Variants in PLEKHA7 observed in about 807,000 individuals in gnomAD.
PLEKHA7 encodes pleckstrin homology domain containing A7.
Under a neutral mutation model 170.0 loss-of-function variants are expected in PLEKHA7, and 104 were observed. The observed-to-expected ratio is 0.61, with a 90% CI of 0.52 to 0.72. The LOEUF is 0.72. Among genes scored for constraint, PLEKHA7 ranks in the 30% least tolerant of loss-of-function variants. PLEKHA7 has a pLI of 0.00. For synonymous variants in PLEKHA7, 648 were observed against 660.8 expected (o/e 0.98, Z 0.30); for missense variants, 1,615 against 1,671.7 (o/e 0.97, Z 0.59).
At chr11:16,908,075 T>C (rs920538432) in intron 3 of PLEKHA7, among the ~76,000 whole-genome samples, 7 of 151,654 alleles carry the variant, frequency 4.6e-5, no homozygotes, top group Admixed American at 4.6e-4. Context: ...GCATGCTCGT[T>C]AAGAGTCATC....
chr11:16,925,374 C>A (rs183782529), intron 3 of PLEKHA7, among the ~76,000 whole-genome samples: 14 of 152,328 alleles, frequency 9.2e-5, no homozygotes, highest in Admixed American at 9.1e-4. Flanking sequence ...CGGCCAGCTA[C>A]GGCTCCCTCG....
chr11:16,895,006 A>C (rs1299294960), intron 3 of PLEKHA7, among the ~76,000 whole-genome samples: 2 of 152,190 alleles, frequency 1.3e-5, no homozygotes, highest in African/African-American at 4.8e-5. Flanking sequence ...AGGGATTTAT[A>C]TAAGTTTACA....
rs531100505 is a variant in PLEKHA7, at chr11:16,778,733, G to T, written c.*265C>A. On this transcript the variant is annotated 3_prime_UTR_variant, in exon 27 of 27. Transcript: ENST00000531066. Reference sequence around the variant, plus strand: ...CCCTTGAGGGGAACATTAGAAAATAGATTCCGATTCTAAAATACAGTGTAT... The same window carrying T: ...CCCTTGAGGGGAACATTAGAAAATATATTCCGATTCTAAAATACAGTGTAT... The T allele has an allele frequency of 3.7e-6, 2 of 536,368 alleles. No homozygotes were observed. The highest frequency in any genetic ancestry group is 5.0e-4 in the Middle Eastern group (1 of 2,010). The allele number at this position is 536,368 out of a possible 1,614,324, so 33.2% of individuals were successfully genotyped here.
Position 16,790,112 on chromosome 11 carries a change from C to A in PLEKHA7, c.3053-234G>T, listed in dbSNP as rs1203714060. 5 of 536,776 alleles carry A rather than the reference C, an allele frequency of 9.3e-6. No homozygotes were observed. The East Asian group carries it at 1.6e-4, about 17-fold the overall frequency. 33.3% of individuals were successfully genotyped at this position (536,776 alleles called of 1,614,324 possible). On this transcript the variant is annotated intron_variant, in intron 21 of 26. Coordinates refer to ENST00000531066, the MANE Select transcript of PLEKHA7 (RefSeq NM_001329630.2). ...GGCAGTGTCCCTGCAGATCTGTGGA[C>A]CACCCCAGGCTTCCCTTACATGCAG...
chr11:16,848,315 TGTGCAACAGA>T (rs1852632851), intron 8 of PLEKHA7, among the ~76,000 whole-genome samples: 2 of 152,172 alleles, frequency 1.3e-5, no homozygotes, highest in Admixed American at 1.3e-4. Flanking sequence ...ACAATCAGAG[TGTGCAACAGA>T]AGTTTTCAAA....
At chr11:16,889,421 AT>A (rs373612212) in intron 3 of PLEKHA7, among the ~76,000 whole-genome samples, 3,464 of 66,748 alleles carry the variant, frequency 0.052, 68 homozygotes, top group African/African-American at 0.075. Flanking sequence ...AAAAAAAAAA[AT>A]ATATATATAT....
chr11:16,817,229 G>A lies in PLEKHA7; in HGVS notation c.1437C>T (p.His479=), dbSNP rs756287007. ...NYQTLPKSTR[H]PSGGSSPPPR... is the part of the protein sequence containing the mutation. ...GAGGTGGCGAGGAGCCCCCCGAGGG[G>A]TGTCGGGTGCTCTTGGGAAGAGTCT... The change falls in exon 11 of 27, where the codon CAC becomes CAT. Residue 479 remains histidine, a synonymous_variant. Transcript: ENST00000531066. The surrounding 1 kb of genome is among the most constrained non-coding windows in gnomAD (Gnocchi z 4.4). 3 of 1,614,064 alleles carry A rather than the reference G, an allele frequency of 1.9e-6. No homozygotes were observed. In the African/African-American group the frequency reaches 4.0e-5, roughly 22 times the overall value.
intron 3 of PLEKHA7, among the ~76,000 whole-genome samples, chr11:16,876,661 G>C (rs887851797): frequency 3.3e-5 from 5 of 152,214 alleles, no homozygotes; most frequent in Non-Finnish European, 5.9e-5. Flanking sequence ...AGAATAAAGT[G>C]AGGACCATAG....
intron 4 of PLEKHA7, among the ~76,000 whole-genome samples, chr11:16,864,690 C>A (rs1025764272): frequency 1.3e-5 from 2 of 152,220 alleles, no homozygotes; most frequent in African/African-American, 4.8e-5. Flanking sequence ...CACTCTCTTG[C>A]CTGCAGCCAT....
chr11:16,818,245 T>C (rs751230173), intron 10 of PLEKHA7, among the ~76,000 whole-genome samples: 10 of 152,230 alleles, frequency 6.6e-5, no homozygotes, highest in Non-Finnish European at 8.8e-5. Flanking sequence ...TGACCTTCCG[T>C]TTCCTTACTT....
rs1180688471 is a variant in PLEKHA7 at position 16,794,694 on chromosome 11, A to T, written c.2539T>A (p.Phe847Ile). ...AGTGAAGGCACAGGCGGGTGAGGAA[A>T]CAAAGGCACCGTTTTTCTCTCTAAG... is the stretch of plus-strand genomic sequence containing the variant. The part of the protein sequence containing the change: ...KNPERKTVPL[F>I]PHPPVPSLST... The change falls in exon 19 of 27, where the codon TTT (phenylalanine) becomes ATT (isoleucine). Residue 847 changes from phenylalanine (F) to isoleucine (I), a missense_variant. Transcript: ENST00000531066. The T allele has an allele frequency of 6.2e-7, 1 of 1,614,006 alleles. No homozygotes were observed. The highest frequency in any genetic ancestry group is 8.5e-7 in the Non-Finnish European group (1 of 1,179,996).
intron 3 of PLEKHA7, 86 bp downstream of exon 3, chr11:17,013,903 A>G (rs920021491): frequency 5.0e-6 from 7 of 1,396,216 alleles, no homozygotes; most frequent in Non-Finnish European, 6.6e-6. Flanking sequence ...CGGCGGGAGC[A>G]GAGGAAGGGC....
chr11:16,904,858 C>T (rs887467181), intron 3 of PLEKHA7, among the ~76,000 whole-genome samples: 1 of 152,082 alleles, frequency 6.6e-6, no homozygotes, highest in African/African-American at 2.4e-5. Flanking sequence ...CTGAAAAAGT[C>T]AAAATCATAT....
In PLEKHA7 at chr11:16,814,023, G is replaced by A. The variant is rs1849564932; in HGVS notation, c.1954-857C>T. On this transcript the variant is annotated intron_variant, in intron 12 of 26. Transcript: ENST00000531066. ...AGAGGGTCACAGCCAAGCAAGCTAG[G>A]GCCGAGGCAGGTGGCCTTTGCTTAC... is the stretch of plus-strand genomic sequence containing the variant. 2.6e-5 allele frequency among the ~76,000 whole-genome samples: 4 copies of A among 152,224 alleles called. No homozygotes were observed. In the South Asian group the frequency reaches 8.3e-4, roughly 32 times the overall value.
chr11:16,803,422 G>C (rs924273755), intron 13 of PLEKHA7, 127 bp from the exon 14 acceptor site: 3 of 961,606 alleles, frequency 3.1e-6, no homozygotes, highest in Non-Finnish European at 4.7e-6. Flanking sequence ...CATAGTATGA[G>C]AGGGACAAAA....
chr11:16,944,646 C>G (rs747361633), intron 3 of PLEKHA7, among the ~76,000 whole-genome samples: 25 of 151,720 alleles, frequency 1.6e-4, no homozygotes, highest in Non-Finnish European at 2.9e-4. Context: ...CTGCTGGTAT[C>G]ATTCTTTCTA....
At chr11:16,782,130 CACACACAT>C (rs937933140) in intron 26 of PLEKHA7, among the ~76,000 whole-genome samples, 202 of 151,378 alleles carry the variant, frequency 1.3e-3, no homozygotes, top group African/African-American at 4.3e-3. Flanking sequence ...CACACATACA[CACACACAT>C]AGACACACAT....
intron 9 of PLEKHA7, among the ~76,000 whole-genome samples, chr11:16,838,264 T>C (rs1851673724): frequency 1.3e-5 from 2 of 152,176 alleles, no homozygotes; most frequent in South Asian, 4.2e-4. Flanking sequence ...TCTCAGCTAC[T>C]TGGGAGGCTG....
intron 24 of PLEKHA7, 81 bp downstream of exon 24, chr11:16,786,148 C>T: frequency 6.8e-7 from 1 of 1,475,868 alleles, no homozygotes; most frequent in Middle Eastern, 1.8e-4. Flanking sequence ...CAGGATGATA[C>T]CCCACAGTGG....
Sources: allele counts gnomAD v4.1 joint callset (sites outside exome capture counted in the v4.1 genomes callset), GRCh38; gene constraint gnomAD v4.1.1; non-coding constraint Gnocchi (gnomAD v3.1); transcripts MANE v1.5; gene names NCBI Gene and HGNC (gene_info 2026-07-23, HGNC 2026-07-21).